Variants in CAMTA1 observed in about 807,000 individuals in gnomAD.
CAMTA1 encodes calmodulin binding transcription activator 1, also known as calmodulin-binding transcription activator 1.
CAMTA1 carries 27 observed loss-of-function variants against 170.9 expected under a neutral mutation model. That is an observed-to-expected ratio of 0.16 (90% CI 0.12 to 0.22). CAMTA1 has a LOEUF of 0.22. CAMTA1 is among the 10% of genes least tolerant of loss of function. The probability of loss-of-function intolerance (pLI) is 1.00; values close to 1 mark genes in which losing one functional copy is unlikely to be tolerated. For missense variants in CAMTA1, 1,619 were observed against 2,217.2 expected (o/e 0.73, Z 5.42); for synonymous variants, 833 against 891.5 (o/e 0.93, Z 1.17).
intron 3 of CAMTA1, among the ~76,000 whole-genome samples, chr1:7,072,709 C>A (rs767044167): frequency 6.6e-6 from 1 of 152,172 alleles, no homozygotes; most frequent in African/African-American, 2.4e-5. Context: ...CAGAAGGGAC[C>A]ATTTGAGCTG....
intron 3 of CAMTA1, among the ~76,000 whole-genome samples, chr1:6,879,819 C>T (rs539011000): frequency 1.0e-3 from 148 of 146,708 alleles, no homozygotes; most frequent in African/African-American, 3.5e-3. Flanking sequence ...TTTGTAGAGA[C>T]GGAGTCTCTG....
Position 7,425,547 on chromosome 1 carries a change from G to A in CAMTA1, c.439-42283G>A, listed in dbSNP as rs576084885. ...TGGCAGATAAAGGGAGAGTGTGAAT[G>A]AGGCTGCCAGGTGGGAAGCTATGGG... On this transcript the variant is annotated intron_variant, in intron 5 of 22. Coordinates refer to ENST00000303635, the MANE Select transcript of CAMTA1 (RefSeq NM_015215.4). Among the ~76,000 whole-genome samples, 204 of 152,260 alleles carry A rather than the reference G, an allele frequency of 1.3e-3. 3 individuals carry two copies. Among genetic ancestry groups the A allele is most frequent in the African/African-American group, 4.7e-3 (194 of 41,530 alleles).
chr1:6,809,047 A>G (rs1396063762), intron 1 of CAMTA1, among the ~76,000 whole-genome samples: 2 of 142,154 alleles, frequency 1.4e-5, no homozygotes, highest in African/African-American at 2.6e-5. Context: ...TTTTTTTGAG[A>G]TGGAGTTTCA....
chr1:7,698,096 T>C (rs1407633437), intron 11 of CAMTA1, among the ~76,000 whole-genome samples: 2 of 108,666 alleles, frequency 1.8e-5, no homozygotes, highest in Middle Eastern at 5.8e-3. Flanking sequence ...CCCACCAACA[T>C]GGCCTTAGAC....
chr1:7,229,641 G>A (rs1285366361), intron 4 of CAMTA1, among the ~76,000 whole-genome samples: 1 of 147,480 alleles, frequency 6.8e-6, no homozygotes, highest in Non-Finnish European at 1.5e-5. Flanking sequence ...AGAGGAGGAA[G>A]GAGAGAAGGA....
At chr1:7,616,612 C>T (rs1286834702) in intron 6 of CAMTA1, among the ~76,000 whole-genome samples, 1 of 152,178 alleles carries the variant, frequency 6.6e-6, no homozygotes, top group African/African-American at 2.4e-5. Flanking sequence ...CCCAGGGACA[C>T]ATTCCTGCTG....
At chr1:7,472,407 A>T (rs1481546796) in intron 6 of CAMTA1, among the ~76,000 whole-genome samples, 1 of 151,836 alleles carries the variant, frequency 6.6e-6, no homozygotes, top group Non-Finnish European at 1.5e-5. Context: ...GCCACTGGAC[A>T]CCTCTGGTGC....
chr1:7,340,149 G>T (rs771236981), intron 5 of CAMTA1, among the ~76,000 whole-genome samples: 6 of 152,168 alleles, frequency 3.9e-5, no homozygotes, highest in African/African-American at 1.4e-4. Context: ...AGCCATAGAC[G>T]ATATGTAAAC....
intron 3 of CAMTA1, among the ~76,000 whole-genome samples, chr1:6,947,035 C>T (rs1687688148): frequency 6.6e-6 from 1 of 152,150 alleles, no homozygotes; most frequent in Non-Finnish European, 1.5e-5. Context: ...ATGTGGACAT[C>T]CAGTTGTCCC....
At position 6,785,515 on chromosome 1, in the gene CAMTA1, C is replaced by T; in HGVS notation, c.-16C>T. 9.5e-7 allele frequency: 1 copy of T among 1,048,778 alleles called. No individual in the cohort carries two copies. Among genetic ancestry groups the T allele is most frequent in the Non-Finnish European group, 1.2e-6 (1 of 861,712 alleles). 65.0% of individuals were successfully genotyped at this position (1,048,778 alleles called of 1,614,324 possible). On this transcript the variant is annotated 5_prime_UTR_variant, in exon 1 of 23. Transcript: ENST00000303635. ...CGAGGCGCGCGCTCGGGGTCCCGGT[C>T]GCGAGGAGGAGGAGGATGTGGCGCG...
chr1:7,161,396 A>G (rs1647205006), intron 4 of CAMTA1, among the ~76,000 whole-genome samples: 1 of 152,062 alleles, frequency 6.6e-6, no homozygotes, highest in African/African-American at 2.4e-5. Flanking sequence ...GCAAATCTCC[A>G]TTGAGGGCTG....
Position 7,412,127 on chromosome 1 carries a change from A to G in CAMTA1, c.439-55703A>G, listed in dbSNP as rs538775143. ...GGCTGCATAGTATTCCATGGGGTAT[A>G]TGTGCCACATTTTCTTACTCCAGTC... On this transcript the variant is annotated intron_variant, in intron 5 of 22. Coordinates refer to ENST00000303635, the MANE Select transcript of CAMTA1 (RefSeq NM_015215.4). Among the ~76,000 whole-genome samples the G allele has an allele frequency of 1.3e-3, 195 of 152,230 alleles. 1 individual carries two copies. The highest frequency in any genetic ancestry group is 2.0e-3 in the Non-Finnish European group (137 of 68,028).
chr1:7,295,458 A>G (rs559896072), intron 5 of CAMTA1, among the ~76,000 whole-genome samples: 1 of 152,350 alleles, frequency 6.6e-6, no homozygotes, highest in Admixed American at 6.5e-5. Flanking sequence ...GCACAGTGGT[A>G]CTTAGCAGCG....
intron 4 of CAMTA1, among the ~76,000 whole-genome samples, chr1:7,119,243 C>T (rs1182880368): frequency 6.6e-6 from 1 of 152,208 alleles, no homozygotes; most frequent in East Asian, 1.9e-4. Flanking sequence ...AATCAAGAGC[C>T]ACTGCGGCAC....
rs79362784 is a variant in CAMTA1, at chr1:7,737,485, G to T, written c.3573G>T (p.Glu1191Asp). ...HCPASEEPSTESWMAQWHSEA... is the reference protein window; with the variant it reads ...HCPASEEPSTDSWMAQWHSEA... ...CTGCAAGCGAAGAGCCCAGCACAGA[G>T]AGCTGGATGGCCCAGTGGCACAGCG... The change falls in exon 15 of 23, where the codon GAG becomes GAT. Residue 1191 changes from glutamate (E) to aspartate (D), a missense_variant. Coordinates refer to ENST00000303635, the MANE Select transcript of CAMTA1 (RefSeq NM_015215.4). 6.2e-7 allele frequency: 1 copy of T among 1,614,186 alleles called. No homozygotes were observed. The highest frequency in any genetic ancestry group is 1.1e-5 in the South Asian group (1 of 91,084).
intron 6 of CAMTA1, among the ~76,000 whole-genome samples, chr1:7,603,433 G>A (rs1272924233): frequency 6.6e-6 from 1 of 152,202 alleles, no homozygotes; most frequent in Non-Finnish European, 1.5e-5. Context: ...TTACCATTAT[G>A]TAATGGTCTT....
chr1:7,603,114 A>G (rs2095459729), intron 6 of CAMTA1, among the ~76,000 whole-genome samples: 2 of 152,286 alleles, frequency 1.3e-5, no homozygotes, highest in African/African-American at 2.4e-5. Context: ...TATGTGGTCA[A>G]TTTTGGAATA....
chr1:7,703,581 G>A (rs948966925), intron 11 of CAMTA1, among the ~76,000 whole-genome samples: 22 of 152,172 alleles, frequency 1.4e-4, no homozygotes, highest in Non-Finnish European at 2.6e-4. Context: ...GTTTCTGTGT[G>A]CGTTTGGGTA....
At chr1:7,312,786 C>T (rs767146482) in intron 5 of CAMTA1, among the ~76,000 whole-genome samples, 2 of 152,164 alleles carry the variant, frequency 1.3e-5, no homozygotes, top group Admixed American at 1.3e-4. Context: ...CCTTCCTGAG[C>T]TCTGCCAATT....
Sources: gnomAD v4.1 joint callset for allele counts (sites outside exome capture counted in the v4.1 genomes callset) on GRCh38, gnomAD v4.1.1 for gene constraint, MANE v1.5 for transcripts, NCBI Gene and HGNC (gene_info 2026-07-23, HGNC 2026-07-21) for gene names.